ASAP1: variants seen among roughly 807,000 people sequenced by gnomAD.
The protein encoded by ASAP1 is arf-GAP with SH3 domain, ANK repeat and PH domain-containing protein 1.
A neutral mutation model predicts 145.2 loss-of-function variants in ASAP1; 43 were observed. The ratio of observed to expected loss-of-function variants is 0.30; its 90% CI spans 0.23 to 0.38. The LOEUF (loss-of-function observed/expected upper bound fraction) is 0.38. ASAP1 is among the 10% of genes least tolerant of loss of function. The pLI is 1.00. For missense variants in ASAP1, 1,018 were observed against 1,355.3 expected, an observed-to-expected ratio of 0.75 and a Z score of 3.91; for synonymous variants, 546 against 515.5, an observed-to-expected ratio of 1.06 and a Z score of -0.80.
At chr8:130,122,814 G>A (rs542353205) in intron 18 of ASAP1, among the ~76,000 whole-genome samples, 108 of 152,312 alleles carry the variant, frequency 7.1e-4, no homozygotes, top group Non-Finnish European at 2.2e-4. Context: ...ACCAGGTGGC[G>A]CTGATGCTGC....
intron 1 of ASAP1, among the ~76,000 whole-genome samples, chr8:130,425,728 G>A (rs56162445): frequency 0.035 from 5,295 of 152,272 alleles, 126 homozygotes; most frequent in Middle Eastern, 0.082. Context: ...ATGCCTACAA[G>A]TTATGTCAGG....
chr8:130,399,217 C>G (rs1024989536), intron 2 of ASAP1, among the ~76,000 whole-genome samples: 3 of 152,160 alleles, frequency 2.0e-5, no homozygotes, highest in Admixed American at 6.5e-5. Flanking sequence ...GGCAAACAAA[C>G]TAGAGAAAAA....
At chr8:130,266,308 A>C (rs1820240887) in intron 3 of ASAP1, among the ~76,000 whole-genome samples, 1 of 152,200 alleles carries the variant, frequency 6.6e-6, no homozygotes, top group South Asian at 2.1e-4. Flanking sequence ...TCCACTCTCA[A>C]GCTGCAAAGT....
At chr8:130,405,441 C>A (rs558685756) in intron 1 of ASAP1, among the ~76,000 whole-genome samples, 4 of 152,324 alleles carry the variant, frequency 2.6e-5, no homozygotes, top group African/African-American at 7.2e-5. Context: ...GATGTACCAA[C>A]CTACCTCCAC....
intron 3 of ASAP1, among the ~76,000 whole-genome samples, chr8:130,305,918 T>A (rs1822965756): frequency 1.3e-5 from 2 of 152,160 alleles, no homozygotes; most frequent in Non-Finnish European, 1.5e-5. Context: ...TTTAAGCTCT[T>A]AGGTTAGATC....
At chr8:130,133,300 A>G (rs1440670978) in intron 15 of ASAP1, among the ~76,000 whole-genome samples, 2 of 152,246 alleles carry the variant, frequency 1.3e-5, no homozygotes, top group Non-Finnish European at 2.9e-5. Context: ...GACCAGGGCT[A>G]GCATTTTAAA....
At chr8:130,429,045 C>T (rs1400355421) in intron 1 of ASAP1, among the ~76,000 whole-genome samples, 2 of 152,220 alleles carry the variant, frequency 1.3e-5, no homozygotes, top group African/African-American at 4.8e-5. Context: ...ATTGTAGCTG[C>T]ATCACTGCAG....
At chr8:130,177,069 C>T (rs75378314) in intron 9 of ASAP1, among the ~76,000 whole-genome samples, 2,445 of 152,264 alleles carry the variant, frequency 0.016, 102 homozygotes, top group Admixed American at 0.085. Flanking sequence ...GACTTACTTC[C>T]TATACCTGGA....
chr8:130,193,001 G>T (rs1815244714), intron 5 of ASAP1, among the ~76,000 whole-genome samples: 1 of 152,072 alleles, frequency 6.6e-6, no homozygotes, highest in Non-Finnish European at 1.5e-5. Context: ...GCTTCACTTT[G>T]AAAATATCTC....
At chr8:130,438,098 G>A (rs887542100) in intron 1 of ASAP1, among the ~76,000 whole-genome samples, 4 of 152,180 alleles carry the variant, frequency 2.6e-5, no homozygotes, top group East Asian at 1.9e-4. Flanking sequence ...TCAGCTCGTC[G>A]GTGGCCAAGA....
chr8:130,081,613 T>C (rs1465945003), intron 25 of ASAP1, among the ~76,000 whole-genome samples: 1 of 152,084 alleles, frequency 6.6e-6, no homozygotes, highest in Admixed American at 6.5e-5. Context: ...TGATCCTCAC[T>C]ACACTGCACA....
At chr8:130,061,621 G>C (rs2097419798) in intron 27 of ASAP1, among the ~76,000 whole-genome samples, 1 of 152,044 alleles carries the variant, frequency 6.6e-6, no homozygotes, top group African/African-American at 2.4e-5. Flanking sequence ...CAGTATATAA[G>C]CGAGGTAGCA....
intron 3 of ASAP1, among the ~76,000 whole-genome samples, chr8:130,289,424 A>G (rs1006385051): frequency 2.0e-5 from 3 of 152,182 alleles, no homozygotes; most frequent in African/African-American, 7.2e-5. Context: ...AATATTCTTT[A>G]AAATTTATTT....
intron 22 of ASAP1, among the ~76,000 whole-genome samples, chr8:130,116,427 T>A (rs2097556095): frequency 6.6e-6 from 1 of 152,246 alleles, no homozygotes; most frequent in African/African-American, 2.4e-5. Flanking sequence ...ATGACCTCAA[T>A]GCACAAGTCG....
chr8:130,432,692 A>T (rs1290843953), intron 1 of ASAP1, among the ~76,000 whole-genome samples: 1 of 152,108 alleles, frequency 6.6e-6, no homozygotes, highest in Non-Finnish European at 1.5e-5. Flanking sequence ...CAGGTATCAC[A>T]TGCTAACCCC....
chr8:130,236,511 C>G (rs535787776), intron 4 of ASAP1, among the ~76,000 whole-genome samples: 2 of 152,070 alleles, frequency 1.3e-5, no homozygotes, highest in African/African-American at 4.8e-5. Context: ...TCCTCTCTAA[C>G]TTTTTCCACA....
intron 3 of ASAP1, among the ~76,000 whole-genome samples, chr8:130,264,816 A>T (rs1820145188): frequency 6.6e-6 from 1 of 152,144 alleles, no homozygotes; most frequent in Non-Finnish European, 1.5e-5. Context: ...GATGATCACT[A>T]TGTACGCAAA....
chr8:130,319,262 G>C (rs1166748223), intron 3 of ASAP1, among the ~76,000 whole-genome samples: 1 of 152,160 alleles, frequency 6.6e-6, no homozygotes, highest in Non-Finnish European at 1.5e-5. Flanking sequence ...CCAGCCCCCA[G>C]CTGCTACTAA....
At chr8:130,357,450 G>A (rs1826391418) in intron 3 of ASAP1, among the ~76,000 whole-genome samples, 1 of 152,252 alleles carries the variant, frequency 6.6e-6, no homozygotes, top group Admixed American at 6.5e-5. Flanking sequence ...TTCCATCTGG[G>A]CTTCAGGCAC....
Sources: allele counts gnomAD v4.1 joint callset (sites outside exome capture counted in the v4.1 genomes callset), GRCh38; gene constraint gnomAD v4.1.1; transcripts MANE v1.5; gene names NCBI Gene and HGNC (gene_info 2026-07-23, HGNC 2026-07-21).